LYG1: variants seen among roughly 807,000 people sequenced by gnomAD.
LYG1 encodes lysozyme g1.
In LYG1, 17 loss-of-function variants were observed where a neutral mutation model predicts 21.7. That is an observed-to-expected ratio of 0.78 (90% confidence interval 0.54 to 1.18). The LOEUF is 1.18. Among genes scored for constraint, LYG1 ranks in the 50% most tolerant of loss-of-function variants. LYG1 has a pLI of 0.00. For synonymous variants in LYG1, 81 were observed against 87.4 expected (o/e 0.93, Z 0.41); for missense variants, 211 against 238.1 (o/e 0.89, Z 0.75).
chr2:99,296,362 G>T (rs2094136354), intron 2 of LYG1, among the ~76,000 whole-genome samples: 1 of 152,104 alleles, frequency 6.6e-6, no homozygotes, highest in Admixed American at 6.6e-5. Context: ...TCCCCAAGAA[G>T]CTGGCTCATG....
At position 99,290,509 on chromosome 2, in the gene LYG1, A is replaced by G; in HGVS notation, c.333+728T>C. On this transcript the variant is annotated intron_variant, in intron 5 of 6. Transcript: ENST00000308528. ...AAGCAAATTTGGAGAGATCATTGAG[A>G]AATAAATTTTTCTAAAATCTTAAAA... Among the ~76,000 whole-genome samples the G allele has an allele frequency of 1.3e-5, 2 of 152,316 alleles. 1 individual carries two copies. Among genetic ancestry groups the G allele is most frequent in the Middle Eastern group, 6.8e-3 (2 of 294 alleles).
upstream of LYG1, among the ~76,000 whole-genome samples, chr2:99,301,488 GAAAA>G (rs1431946018): frequency 2.6e-5 from 2 of 78,266 alleles, no homozygotes; most frequent in Non-Finnish European, 5.6e-5. Flanking sequence ...AAGGAAGAAA[GAAAA>G]GGAAGAAGGA....
chr2:99,301,210 C>A (rs2094152905), upstream of LYG1: 1 of 152,184 alleles, frequency 6.6e-6, no homozygotes, highest in Non-Finnish European at 1.5e-5. Context: ...ATACTCCGAA[C>A]TTATATAGGG....
chr2:99,284,927 C>T, intron 5 of LYG1, 107 bp from the exon 6 acceptor site: 1 of 1,429,762 alleles, frequency 7.0e-7, no homozygotes, highest in African/African-American at 1.4e-5. Context: ...GTTCTCCTTT[C>T]ACCTTTGATG....
At chr2:99,295,744 T>C (rs1416671576) in intron 2 of LYG1, 42 bp from the exon 3 acceptor site, 1 of 1,564,656 alleles carries the variant, frequency 6.4e-7, no homozygotes, top group African/African-American at 1.4e-5. Flanking sequence ...AAAATATCAG[T>C]CATCATCATA....
chr2:99,300,075 T>G (rs12466388), intron 1 of LYG1, among the ~76,000 whole-genome samples: 35,011 of 132,978 alleles, frequency 0.26, 4,199 homozygotes, highest in Middle Eastern at 0.36. Flanking sequence ...ATTCTGCCAC[T>G]AAGATCTTTT....
At chr2:99,297,906 G>T (rs1242041453) in intron 2 of LYG1, among the ~76,000 whole-genome samples, 3 of 151,940 alleles carry the variant, frequency 2.0e-5, no homozygotes, top group Admixed American at 2.0e-4. Flanking sequence ...TGTAGAAATG[G>T]GTCTCACTAT....
chr2:99,292,249 C>T (rs970089756), intron 4 of LYG1, among the ~76,000 whole-genome samples: 1 of 152,160 alleles, frequency 6.6e-6, no homozygotes, highest in African/African-American at 2.4e-5. Flanking sequence ...TGCACCATTG[C>T]ACTCCAACCT....
intron 2 of LYG1, among the ~76,000 whole-genome samples, chr2:99,297,280 T>C (rs745507359): frequency 5.9e-5 from 9 of 152,084 alleles, no homozygotes; most frequent in Admixed American, 2.6e-4. Context: ...CCTCCAGCAG[T>C]AAACAAGAGA....
intron 5 of LYG1, among the ~76,000 whole-genome samples, chr2:99,287,707 A>ATG (rs375539460): frequency 2.6e-5 from 4 of 151,176 alleles, no homozygotes; most frequent in South Asian, 2.1e-4. Context: ...AGTGTTGTGT[A>ATG]TGTGTGTGTG....
chr2:99,292,666 A>G, intron 3 of LYG1, 26 bp from the exon 4 acceptor site: 2 of 1,473,590 alleles, frequency 1.4e-6, no homozygotes. Flanking sequence ...AGTTCAGCCT[A>G]AGGCATGGAA....
chr2:99,295,781 AG>A, intron 2 of LYG1, 79 bp from the exon 3 acceptor site: 3 of 1,384,628 alleles, frequency 2.2e-6, no homozygotes, highest in Non-Finnish European at 3.1e-6. Flanking sequence ...CCACAGAAGC[AG>A]GGGTGAAAAG....
In LYG1 at chr2:99,284,687, C is replaced by T. The variant is rs142069558; in HGVS notation, c.466+1G>A. On this transcript the variant is annotated splice_donor_variant, in intron 6 of 6. Coordinates refer to ENST00000308528, the MANE Select transcript of LYG1 (RefSeq NM_174898.3). LOFTEE classifies it high-confidence loss of function. ...CAACTGACTGATAGCGTTACACGTA[C>T]CTCTCAGGTACTGGTCAGGGGTCCA... The T allele has an allele frequency of 9.7e-4, 1,558 of 1,613,708 alleles. 3 individuals are homozygous for T. Among genetic ancestry groups the T allele is most frequent in the Non-Finnish European group, 1.2e-3 (1,469 of 1,179,778 alleles).
In LYG1 at chr2:99,284,366, T is replaced by C; in HGVS notation, c.*27A>G. On this transcript the variant is annotated 3_prime_UTR_variant, in exon 7 of 7. Transcript: ENST00000308528. ...GTAACATTTGAGGCTGCATATGTGA[T>C]CATGGTCTTGGGTTTCATCTGAGAT... 1 of 1,603,110 alleles carries C rather than the reference T, an allele frequency of 6.2e-7. No individual in the cohort carries two copies. Among genetic ancestry groups the C allele is most frequent in the Non-Finnish European group, 8.5e-7 (1 of 1,170,402 alleles).
At chr2:99,293,790 T>A (rs552750882) in intron 3 of LYG1, among the ~76,000 whole-genome samples, 1 of 152,126 alleles carries the variant, frequency 6.6e-6, no homozygotes, top group Non-Finnish European at 1.5e-5. Flanking sequence ...TATCTACAAT[T>A]CACACCAGAA....
At chr2:99,288,150 T>C (rs1196202543) in intron 5 of LYG1, among the ~76,000 whole-genome samples, 1 of 152,168 alleles carries the variant, frequency 6.6e-6, no homozygotes, top group Non-Finnish European at 1.5e-5. Context: ...TTTGAGGCTA[T>C]TTTACTGGCA....
upstream of LYG1, among the ~76,000 whole-genome samples, chr2:99,301,611 C>A (rs2094154645): frequency 8.4e-6 from 1 of 119,742 alleles, no homozygotes; most frequent in African/African-American, 2.9e-5. Context: ...CTTTTTCTTA[C>A]AGACCCAGAC....
Position 99,284,781 on chromosome 2 carries a change from A to G in LYG1, c.373T>C (p.Ser125Pro). 1.2e-6 allele frequency: 2 copies of G among 1,613,500 alleles called. No individual in the cohort carries two copies. The highest frequency in any genetic ancestry group is 1.7e-6 in the Non-Finnish European group (2 of 1,179,978). Residue 125 changes from serine (S) to proline (P), a missense_variant, in exon 6 of 7, where the codon TCT becomes CCT. Ser to Pro is a moderately conservative substitution (Grantham distance 74, BLOSUM62 -1). Transcript: ENST00000308528. Reference protein sequence around the residue: ...SQAPTSWISESQVSQTTEVLT... With the variant: ...SQAPTSWISEPQVSQTTEVLT... ...ACTTCAGTTGTCTGGGAAACCTGAGACTCACTAATCCAGGATGTGGGAGCT... is the reference window on the plus strand; with the variant it reads ...ACTTCAGTTGTCTGGGAAACCTGAGGCTCACTAATCCAGGATGTGGGAGCT...
chr2:99,292,452 A>T, intron 4 of LYG1, 84 bp downstream of exon 4: 1 of 1,015,620 alleles, frequency 9.8e-7, no homozygotes, highest in Non-Finnish European at 1.5e-6. Context: ...CATACCCGGA[A>T]CTCTTTCCAA....
Sources: allele counts gnomAD v4.1 joint callset (sites outside exome capture counted in the v4.1 genomes callset), GRCh38; gene constraint gnomAD v4.1.1; transcripts MANE v1.5; gene names NCBI Gene and HGNC (gene_info 2026-07-23, HGNC 2026-07-21).